Variants in PTPRT observed in about 807,000 individuals in gnomAD.
PTPRT encodes receptor-type tyrosine-protein phosphatase T.
Under a neutral mutation model 176.8 loss-of-function variants are expected in PTPRT, and 56 were observed. That is an observed-to-expected ratio of 0.32 (90% confidence interval 0.26 to 0.40). PTPRT has a LOEUF of 0.40. Among genes scored for constraint, PTPRT ranks in the 10% least tolerant of loss-of-function variants. PTPRT has a pLI of 1.00. For missense variants in PTPRT, 1,540 were observed against 1,908.2 expected (o/e 0.81, Z 3.60); for synonymous variants, 783 against 739.0 (o/e 1.06, Z -0.96).
chr20:43,142,095 C>A (rs1349746580), intron 1 of PTPRT, among the ~76,000 whole-genome samples: 1 of 152,234 alleles, frequency 6.6e-6, no homozygotes, highest in African/African-American at 2.4e-5. Flanking sequence ...ACAGCAGGAA[C>A]AATCTAAGAA....
chr20:43,143,301 T>C (rs1469850966), intron 1 of PTPRT, among the ~76,000 whole-genome samples: 1 of 152,172 alleles, frequency 6.6e-6, no homozygotes, highest in Admixed American at 6.5e-5. Flanking sequence ...TTCAGCAAAT[T>C]GATCTAATAA....
intron 12 of PTPRT, among the ~76,000 whole-genome samples, chr20:42,285,430 A>G (rs1401579325): frequency 6.6e-6 from 1 of 152,070 alleles, no homozygotes; most frequent in Non-Finnish European, 1.5e-5. Flanking sequence ...AGGTTTGATG[A>G]GGCTAATACT....
At chr20:42,879,350 A>G (rs2145847041) in intron 2 of PTPRT, among the ~76,000 whole-genome samples, 1 of 152,240 alleles carries the variant, frequency 6.6e-6, no homozygotes, top group Non-Finnish European at 1.5e-5. Context: ...AATCCTCAGC[A>G]TTCCTTGCCT....
chr20:42,851,859 C>T lies in PTPRT; in HGVS notation c.214+33948G>A, dbSNP rs74637395. Among the ~76,000 whole-genome samples, 839 of 152,260 alleles carry T rather than the reference C, an allele frequency of 5.5e-3. 31 individuals are homozygous for T. Among genetic ancestry groups the T allele is most frequent in the Admixed American group, 0.045 (690 of 15,292 alleles). On this transcript the variant is annotated intron_variant, in intron 2 of 30. Transcript: ENST00000373187. ...ATAGTTTGCAATCTATGCTTATGTA[C>T]GGACTGAGATAATGATCTGCCTTTC...
intron 13 of PTPRT, among the ~76,000 whole-genome samples, chr20:42,253,084 T>C (rs960916023): frequency 3.9e-5 from 6 of 152,182 alleles, no homozygotes; most frequent in African/African-American, 1.4e-4. Context: ...GGAAATGGAC[T>C]AAAGGCAAGA....
rs2013357663 is a variant in PTPRT at position 43,123,996 on chromosome 20, C to A, written c.88+65650G>T. Among the ~76,000 whole-genome samples the A allele has an allele frequency of 4.6e-5, 7 of 152,294 alleles. No individual in the cohort carries two copies. The South Asian group carries it at 1.5e-3, about 32-fold the overall frequency. ...ATGAAATTGTGAAGGACTTTTATTT[C>A]CGACAAACAAAGGAATTTTTAAAAG... is the stretch of plus-strand genomic sequence containing the variant. On this transcript the variant is annotated intron_variant, in intron 1 of 30. Coordinates refer to ENST00000373187, the MANE Select transcript of PTPRT (RefSeq NM_007050.6).
intron 2 of PTPRT, among the ~76,000 whole-genome samples, chr20:42,799,082 GGAA>G (rs2077493269): frequency 6.6e-6 from 1 of 151,742 alleles, no homozygotes; most frequent in African/African-American, 2.4e-5. Context: ...ATGGAGAAGG[GGAA>G]GAAGAAAGAA....
Position 42,229,895 on chromosome 20 carries a change from C to T in PTPRT, c.2342+6334G>A, listed in dbSNP as rs944528080. On this transcript the variant is annotated intron_variant, in intron 15 of 30. Coordinates refer to ENST00000373187, the MANE Select transcript of PTPRT (RefSeq NM_007050.6). ...CAAGAACAGAGTACCACCCTGTTGA[C>T]TTTAGCTGTATGTCCGTATGTCTTT... 2.4e-4 allele frequency among the ~76,000 whole-genome samples: 37 copies of T among 152,080 alleles called. 1 individual carries two copies. Among genetic ancestry groups the T allele is most frequent in the Non-Finnish European group, 5.9e-5 (4 of 68,018 alleles).
intron 2 of PTPRT, among the ~76,000 whole-genome samples, chr20:42,836,874 A>G (rs1409559940): frequency 6.6e-6 from 1 of 152,200 alleles, no homozygotes; most frequent in Non-Finnish European, 1.5e-5. Context: ...ATCCTCAGAA[A>G]TTAACTATTA....
intron 1 of PTPRT, among the ~76,000 whole-genome samples, chr20:43,150,186 TGGA>T (rs956316041): frequency 2.0e-5 from 3 of 152,214 alleles, no homozygotes; most frequent in African/African-American, 7.2e-5. Context: ...AGCAACCGGC[TGGA>T]GCCAAGGAGT....
At chr20:42,545,937 T>C in intron 7 of PTPRT, among the ~76,000 whole-genome samples, 1 of 152,238 alleles carries the variant, frequency 6.6e-6, no homozygotes, top group East Asian at 1.9e-4. Flanking sequence ...GACATTTATA[T>C]GTATATGTGT....
chr20:42,598,919 G>A lies in PTPRT; in HGVS notation c.1153+78947C>T, dbSNP rs189576216. Among the ~76,000 whole-genome samples, 167 of 152,248 alleles carry A rather than the reference G, an allele frequency of 1.1e-3. 1 individual carries two copies. The highest frequency in any genetic ancestry group is 3.7e-3 in the African/African-American group (152 of 41,546). ...GGCCTGCCACAGAGTACTTCACGGC[G>A]GCTAAATAAACGAATGAAGAAGATA... On this transcript the variant is annotated intron_variant, in intron 7 of 30. Coordinates refer to ENST00000373187, the MANE Select transcript of PTPRT (RefSeq NM_007050.6).
intron 1 of PTPRT, among the ~76,000 whole-genome samples, chr20:43,167,581 A>C (rs999786951): frequency 1.3e-5 from 2 of 152,246 alleles, no homozygotes; most frequent in Non-Finnish European, 2.9e-5. Context: ...GCTTCTAAGC[A>C]ACAGAGCATG....
At chr20:43,017,772 C>T (rs1047030126) in intron 1 of PTPRT, among the ~76,000 whole-genome samples, 1 of 152,148 alleles carries the variant, frequency 6.6e-6, no homozygotes, top group Admixed American at 6.5e-5. Flanking sequence ...CAATAGATGC[C>T]CTGTGTCCCA....
intron 1 of PTPRT, among the ~76,000 whole-genome samples, chr20:42,944,560 C>CACTGGTCT (rs781059189): frequency 6.6e-5 from 10 of 152,202 alleles, no homozygotes; most frequent in Non-Finnish European, 1.5e-4. Flanking sequence ...TCCCTGGCCT[C>CACTGGTCT]ACTGGTCTTC....
intron 27 of PTPRT, among the ~76,000 whole-genome samples, chr20:42,089,954 A>G (rs921525622): frequency 6.6e-6 from 1 of 152,190 alleles, no homozygotes; most frequent in Admixed American, 6.5e-5. Context: ...GCTGCACCTG[A>G]ATGGATGCTA....
At chr20:43,121,658 C>CT (rs1443090291) in intron 1 of PTPRT, among the ~76,000 whole-genome samples, 2 of 152,130 alleles carry the variant, frequency 1.3e-5, no homozygotes, top group African/African-American at 4.8e-5. Flanking sequence ...ACAATGCTTT[C>CT]TTTTTTTAGA....
intron 1 of PTPRT, among the ~76,000 whole-genome samples, chr20:43,026,777 C>CTA: frequency 6.6e-6 from 1 of 152,238 alleles, no homozygotes; most frequent in South Asian, 2.1e-4. Flanking sequence ...TTTCTGTTCT[C>CTA]TATTGTTTTA....
chr20:42,851,509 T>TA (rs1259777619), intron 2 of PTPRT, among the ~76,000 whole-genome samples: 4 of 152,294 alleles, frequency 2.6e-5, no homozygotes, highest in Admixed American at 2.6e-4. Context: ...GTATTCCTTT[T>TA]ACTCTCAAAA....
Sources: allele counts gnomAD v4.1 joint callset (sites outside exome capture counted in the v4.1 genomes callset), GRCh38; gene constraint gnomAD v4.1.1; transcripts MANE v1.5; gene names NCBI Gene and HGNC (gene_info 2026-07-23, HGNC 2026-07-21).